Variants in GPHB5 observed in about 807,000 individuals in gnomAD.
GPHB5 encodes the protein glycoprotein hormone subunit beta 5.
A neutral mutation model predicts 10.1 loss-of-function variants in GPHB5; 7 were observed. The observed-to-expected ratio is 0.69, with a 90% CI of 0.39 to 1.30. The LOEUF (loss-of-function observed/expected upper bound fraction) is 1.30, where lower values mean the gene tolerates loss of function less well. Ranked by LOEUF, GPHB5 falls within the 50% of genes most tolerant of loss-of-function variation. The pLI is 0.01. For synonymous variants in GPHB5, 68 were observed against 70.1 expected (o/e 0.97, Z 0.15); for missense variants, 161 against 169.8 (o/e 0.95, Z 0.29).
intron 2 of GPHB5, among the ~76,000 whole-genome samples, chr14:63,316,465 G>A (rs533953092): frequency 6.6e-6 from 1 of 152,290 alleles, no homozygotes; most frequent in African/African-American, 2.4e-5. Flanking sequence ...AAGCTGTGAA[G>A]GTTATAAGAA....
At chr14:63,313,530 ATCAAAGACCTTATGATCACCT>A (rs1401610042) in intron 2 of GPHB5, among the ~76,000 whole-genome samples, 4 of 152,156 alleles carry the variant, frequency 2.6e-5, no homozygotes, top group Admixed American at 2.6e-4. Flanking sequence ...CAGAACAAAC[ATCAAAGACCTTATGATCACCT>A]TCAAGACCTA....
chr14:63,315,129 C>T (rs1882750264), intron 2 of GPHB5, among the ~76,000 whole-genome samples: 1 of 151,820 alleles, frequency 6.6e-6, no homozygotes, highest in African/African-American at 2.4e-5. Flanking sequence ...ACTGGCCAGG[C>T]TGGTCTCGAA....
chr14:63,313,734 G>A (rs773388517), intron 2 of GPHB5, among the ~76,000 whole-genome samples: 13 of 152,092 alleles, frequency 8.5e-5, no homozygotes, highest in South Asian at 2.1e-4. Flanking sequence ...TTCTTCTCCC[G>A]TATGATTCAC....
chr14:63,315,629 G>A (rs374135544), intron 2 of GPHB5, among the ~76,000 whole-genome samples: 2 of 152,288 alleles, frequency 1.3e-5, no homozygotes, highest in African/African-American at 2.4e-5. Context: ...CAGCCAGCCT[G>A]TCATCATGAA....
Position 63,317,701 on chromosome 14 carries a change from C to A in GPHB5, c.149G>T (p.Cys50Phe), listed in dbSNP as rs745429660. 1.2e-6 allele frequency: 2 copies of A among 1,614,040 alleles called. No individual in the cohort carries two copies. The highest frequency in any genetic ancestry group is 8.5e-7 in the Non-Finnish European group (1 of 1,179,892). Residue 50 changes from cysteine to phenylalanine, a missense_variant, in exon 2 of 3, where the codon TGC becomes TTC. Transcript: ENST00000621500. ...ATCCGTGGTGATCCGAAGGCCCCTGCAGCCTGGCTTCTTGGCCAGGAAAGT... is the reference window on the plus strand; with the variant it reads ...ATCCGTGGTGATCCGAAGGCCCCTGAAGCCTGGCTTCTTGGCCAGGAAAGT... ...EFTFLAKKPG[C>F]RGLRITTDAC...
In GPHB5 at chr14:63,312,974, T is replaced by C. The variant is rs1255583272; in HGVS notation, c.347A>G (p.Asp116Gly). Reference sequence around the variant, plus strand: ...GGTGGCAGTGGAGCAGGCTCCGCAGTCACAGCGGATGGCCACGGGATAGGT... The same window carrying C: ...GGTGGCAGTGGAGCAGGCTCCGCAGCCACAGCGGATGGCCACGGGATAGGT... ...FYTYPVAIRC[D>G]CGACSTATTE... The change falls in exon 3 of 3, where the codon GAC becomes GGC. Residue 116 changes from aspartate to glycine, a missense_variant. Transcript: ENST00000621500. The C allele has an allele frequency of 6.4e-7, 1 of 1,559,096 alleles. No individual in the cohort carries two copies. Among genetic ancestry groups the C allele is most frequent in the South Asian group, 1.2e-5 (1 of 84,464 alleles).
chr14:63,318,573 C>T (rs1338904984), intron 1 of GPHB5, among the ~76,000 whole-genome samples: 2 of 152,190 alleles, frequency 1.3e-5, no homozygotes, highest in East Asian at 1.9e-4. Flanking sequence ...CTCAATCCAC[C>T]GTCAAGTCCA....
chr14:63,312,960 A>G lies in GPHB5; in HGVS notation c.361T>C (p.Ser121Pro). Reference sequence around the variant, plus strand: ...GTCTCACACTCCGTGGTGGCAGTGGAGCAGGCTCCGCAGTCACAGCGGATG... The same window carrying G: ...GTCTCACACTCCGTGGTGGCAGTGGGGCAGGCTCCGCAGTCACAGCGGATG... ...VAIRCDCGACSTATTECETI is the reference protein window; with the variant it reads ...VAIRCDCGACPTATTECETI Residue 121 changes from serine to proline, a missense_variant, in exon 3 of 3, where the codon TCC becomes CCC. Transcript: ENST00000621500. 1 of 1,554,686 alleles carries G rather than the reference A, an allele frequency of 6.4e-7. No homozygotes were observed. Among genetic ancestry groups the G allele is most frequent in the South Asian group, 1.2e-5 (1 of 84,202 alleles).
chr14:63,313,225 C>T, intron 2 of GPHB5, 109 bp from the exon 3 acceptor site: 1 of 1,043,544 alleles, frequency 9.6e-7, no homozygotes, highest in Non-Finnish European at 1.4e-6. Flanking sequence ...CGTTGATTTA[C>T]TTGTTGCTCT....
rs1882800013 is a variant in GPHB5, at chr14:63,317,835, G to A, written c.15C>T (p.Phe5=). 6.2e-7 allele frequency: 1 copy of A among 1,613,936 alleles called. No homozygotes were observed. Among genetic ancestry groups the A allele is most frequent in the East Asian group, 2.2e-5 (1 of 44,898 alleles). The change falls in exon 2 of 3, where the codon TTC becomes TTT. Residue 5 remains phenylalanine, a synonymous_variant. Transcript: ENST00000621500. The part of the protein sequence containing the change: MKLA[F]LFLGPMALLL... Reference sequence around the variant, plus strand: ...GGAGGGCCATGGGGCCAAGGAAGAGGAATGCCAGCTTCATGCTGCTCTTCC... The same window carrying A: ...GGAGGGCCATGGGGCCAAGGAAGAGAAATGCCAGCTTCATGCTGCTCTTCC...
rs757997304 is a variant in GPHB5 at position 63,317,810 on chromosome 14, G to C, written c.40C>G (p.Leu14Val). 7 of 1,613,968 alleles carry C rather than the reference G, an allele frequency of 4.3e-6. No homozygotes were observed. The highest frequency in any genetic ancestry group is 5.9e-6 in the Non-Finnish European group (7 of 1,179,920). Residue 14 changes from leucine to valine, a missense_variant, in exon 2 of 3, where the codon CTC (leucine) becomes GTC (valine). Leu to Val is a conservative substitution (Grantham distance 32, BLOSUM62 1). Coordinates refer to ENST00000621500, the MANE Select transcript of GPHB5 (RefSeq NM_145171.4). The part of the protein sequence containing the change: ...AFLFLGPMAL[L>V]LLAGYGCVLG... Reference sequence around the variant, plus strand: ...ACACAGCCATAGCCAGCCAGAAGGAGGAGGGCCATGGGGCCAAGGAAGAGG... The same window carrying C: ...ACACAGCCATAGCCAGCCAGAAGGACGAGGGCCATGGGGCCAAGGAAGAGG...
intron 2 of GPHB5, among the ~76,000 whole-genome samples, chr14:63,314,501 A>G (rs1882733872): frequency 6.6e-6 from 1 of 150,744 alleles, no homozygotes; most frequent in Admixed American, 6.6e-5. Flanking sequence ...GCTCATTGCA[A>G]TCTCCGCCTC....
At chr14:63,317,932 A>T (rs1321509755) in intron 1 of GPHB5, 82 bp from the exon 2 acceptor site, 1 of 1,262,368 alleles carries the variant, frequency 7.9e-7, no homozygotes, top group African/African-American at 1.5e-5. Context: ...ATTTGTCACT[A>T]TCAAAGGGAC....
chr14:63,317,507 T>C, intron 2 of GPHB5, 139 bp downstream of exon 2: 1 of 720,424 alleles, frequency 1.4e-6, no homozygotes, highest in Non-Finnish European at 2.3e-6. Flanking sequence ...AATCATAGTT[T>C]TGTTTTGGTT....
At chr14:63,317,534 A>G (rs1456500673) in intron 2 of GPHB5, 112 bp downstream of exon 2, 1 of 999,254 alleles carries the variant, frequency 1.0e-6, no homozygotes, top group Admixed American at 2.8e-5. Flanking sequence ...GTCCACAGGA[A>G]AGGGCAGATG....
Position 63,317,835 on chromosome 14 carries a change from G to T in GPHB5, c.15C>A (p.Phe5Leu). The T allele has an allele frequency of 6.2e-7, 1 of 1,614,054 alleles. No homozygotes were observed. Among genetic ancestry groups the T allele is most frequent in the Non-Finnish European group, 8.5e-7 (1 of 1,179,890 alleles). Reference sequence around the variant, plus strand: ...GGAGGGCCATGGGGCCAAGGAAGAGGAATGCCAGCTTCATGCTGCTCTTCC... The same window carrying T: ...GGAGGGCCATGGGGCCAAGGAAGAGTAATGCCAGCTTCATGCTGCTCTTCC... MKLA[F>L]LFLGPMALLL... is the part of the protein sequence containing the mutation. Residue 5 changes from phenylalanine to leucine, a missense_variant, in exon 2 of 3, where the codon TTC becomes TTA. Physicochemically the swap from Phe to Leu is conservative, Grantham distance 22. Coordinates refer to ENST00000621500, the MANE Select transcript of GPHB5 (RefSeq NM_145171.4).
chr14:63,312,891 C>G lies in GPHB5; in HGVS notation c.*37G>C. 2.6e-6 allele frequency: 4 copies of G among 1,531,884 alleles called. No homozygotes were observed. 94.9% of individuals were successfully genotyped at this position (1,531,884 alleles called of 1,614,324 possible). A position where few individuals can be genotyped will look rare whatever the true frequency, so the allele number is the denominator to read the frequency against. On this transcript the variant is annotated 3_prime_UTR_variant, in exon 3 of 3. Transcript: ENST00000621500. ...CCAGGAAGTATAACTGCATGTGCTGCTCACACAGGTGGGTCTGCAGAGAGC... is the reference window on the plus strand; with the variant it reads ...CCAGGAAGTATAACTGCATGTGCTGGTCACACAGGTGGGTCTGCAGAGAGC...
intron 2 of GPHB5, among the ~76,000 whole-genome samples, chr14:63,314,295 TC>T (rs1248000205): frequency 7.2e-6 from 1 of 139,652 alleles, no homozygotes; most frequent in Non-Finnish European, 1.6e-5. Context: ...CCACTTAACT[TC>T]CTGAAGACTC....
intron 2 of GPHB5, among the ~76,000 whole-genome samples, chr14:63,316,802 C>A (rs1057226619): frequency 2.0e-5 from 3 of 152,186 alleles, no homozygotes; most frequent in Non-Finnish European, 4.4e-5. Context: ...GTTATTGAAT[C>A]TGTAGTAGTG....
Sources: gnomAD v4.1 joint callset for allele counts (sites outside exome capture counted in the v4.1 genomes callset) on GRCh38, gnomAD v4.1.1 for gene constraint, MANE v1.5 for transcripts, NCBI Gene and HGNC (gene_info 2026-07-23, HGNC 2026-07-21) for gene names.